Variants in ZNF704 observed in about 807,000 individuals in gnomAD.
ZNF704 encodes glucocorticoid induced gene 1.
In ZNF704, 10 loss-of-function variants were observed where a neutral mutation model predicts 44.7. The ratio of observed to expected loss-of-function variants is 0.22; its 90% confidence interval spans 0.14 to 0.38. The LOEUF (loss-of-function observed/expected upper bound fraction) is 0.38, where lower values mean the gene tolerates loss of function less well. ZNF704 is among the 10% of genes least tolerant of loss of function. ZNF704 has a pLI of 1.00. For synonymous variants in ZNF704, 211 were observed against 207.6 expected (o/e 1.02, Z -0.14); for missense variants, 390 against 545.5 (o/e 0.71, Z 2.84).
At chr8:80,723,110 A>G (rs1746795382) in intron 2 of ZNF704, among the ~76,000 whole-genome samples, 1 of 152,222 alleles carries the variant, frequency 6.6e-6, no homozygotes. Context: ...TGATACTAAT[A>G]ACAAAACTAC....
chr8:80,747,990 CA>C (rs1177175782), intron 2 of ZNF704, among the ~76,000 whole-genome samples: 3 of 152,206 alleles, frequency 2.0e-5, no homozygotes, highest in Non-Finnish European at 2.9e-5. Flanking sequence ...GCCAGGATTA[CA>C]GGTGTGAGCC....
At chr8:80,679,665 T>A (rs1199058777) in intron 4 of ZNF704, among the ~76,000 whole-genome samples, 1 of 152,200 alleles carries the variant, frequency 6.6e-6, no homozygotes, top group African/African-American at 2.4e-5. Context: ...AATGGTCTTC[T>A]TCATGTAAAG....
intron 2 of ZNF704, among the ~76,000 whole-genome samples, chr8:80,777,953 G>A (rs980658254): frequency 6.6e-5 from 10 of 150,674 alleles, no homozygotes; most frequent in African/African-American, 2.0e-4. Context: ...TCAATATATC[G>A]CTCTTAAGAA....
intron 2 of ZNF704, among the ~76,000 whole-genome samples, chr8:80,699,332 C>T (rs914814723): frequency 2.0e-5 from 3 of 151,740 alleles, no homozygotes; most frequent in South Asian, 2.1e-4. Flanking sequence ...TTAACTCTTC[C>T]GAATTAATTT....
intron 2 of ZNF704, among the ~76,000 whole-genome samples, chr8:80,759,121 A>G (rs890577259): frequency 6.6e-5 from 10 of 152,202 alleles, no homozygotes; most frequent in Non-Finnish European, 2.9e-5. Context: ...ATAAGACACT[A>G]TACTAGGAAT....
chr8:80,658,182 C>T (rs1373256350), intron 7 of ZNF704, among the ~76,000 whole-genome samples: 2 of 152,176 alleles, frequency 1.3e-5, no homozygotes, highest in Non-Finnish European at 2.9e-5. Context: ...GTTCCATCTA[C>T]ATGCTATAGT....
At chr8:80,791,156 A>G (rs925375203) in intron 2 of ZNF704, among the ~76,000 whole-genome samples, 4 of 152,322 alleles carry the variant, frequency 2.6e-5, no homozygotes, top group Admixed American at 2.6e-4. Context: ...ATCTTCAGGT[A>G]AAATGGAATT....
chr8:80,701,480 G>T (rs34310904), intron 2 of ZNF704, among the ~76,000 whole-genome samples: 9,970 of 151,992 alleles, frequency 0.066, 372 homozygotes, highest in Middle Eastern at 0.14. Context: ...GGTTAGCATG[G>T]TATTTTGCTT....
chr8:80,732,952 T>TAAAAAA (rs59640222), intron 2 of ZNF704, among the ~76,000 whole-genome samples: 2 of 78,660 alleles, frequency 2.5e-5, no homozygotes, highest in African/African-American at 8.5e-5. Context: ...AGACCTTGCC[T>TAAAAAA]AAAAAAAAAA....
intron 2 of ZNF704, among the ~76,000 whole-genome samples, chr8:80,742,786 A>G (rs1806782703): frequency 6.6e-6 from 1 of 152,012 alleles, no homozygotes; most frequent in African/African-American, 2.4e-5. Flanking sequence ...CTACACTCCA[A>G]TTCAGCAGGA....
chr8:80,783,696 G>A (rs1046169934), intron 2 of ZNF704, among the ~76,000 whole-genome samples: 6 of 151,780 alleles, frequency 4.0e-5, no homozygotes, highest in Non-Finnish European at 4.4e-5. Flanking sequence ...TCCCACTGCC[G>A]ACATCGATCA....
chr8:80,833,330 C>T (rs1563570173), intron 1 of ZNF704, among the ~76,000 whole-genome samples: 1 of 152,012 alleles, frequency 6.6e-6, no homozygotes, highest in Non-Finnish European at 1.5e-5. Context: ...AGCCTGGCGA[C>T]AGAGCAAGAC....
intron 1 of ZNF704, among the ~76,000 whole-genome samples, chr8:80,870,235 C>G (rs183834672): frequency 2.6e-5 from 4 of 152,166 alleles, no homozygotes; most frequent in Admixed American, 6.5e-5. Flanking sequence ...AAACTAATAA[C>G]CCCTCTTCCA....
chr8:80,665,962 T>A (rs1455474167), intron 5 of ZNF704, among the ~76,000 whole-genome samples: 1 of 114,210 alleles, frequency 8.8e-6, no homozygotes, highest in Non-Finnish European at 1.7e-5. Flanking sequence ...TTATTTTTTA[T>A]TTATTTATTT....
intron 4 of ZNF704, among the ~76,000 whole-genome samples, chr8:80,672,415 G>A (rs972271624): frequency 6.6e-6 from 1 of 152,168 alleles, no homozygotes; most frequent in Non-Finnish European, 1.5e-5. Context: ...TCCCATTACT[G>A]GGTGTATACC....
intron 1 of ZNF704, among the ~76,000 whole-genome samples, chr8:80,832,645 G>A (rs111976906): frequency 1.3e-5 from 2 of 152,098 alleles, no homozygotes; most frequent in African/African-American, 4.8e-5. Flanking sequence ...GCTTTCTGGG[G>A]CTTTCTGGAT....
At chr8:80,824,129 G>C (rs898200914) in intron 1 of ZNF704, among the ~76,000 whole-genome samples, 1 of 152,120 alleles carries the variant, frequency 6.6e-6, no homozygotes, top group East Asian at 1.9e-4. Context: ...AAACTTCTCC[G>C]AGCTAAAGGA....
chr8:80,864,349 C>A (rs910265364), intron 1 of ZNF704, among the ~76,000 whole-genome samples: 1 of 151,136 alleles, frequency 6.6e-6, no homozygotes, highest in Non-Finnish European at 1.5e-5. Flanking sequence ...AAAATGTATC[C>A]CAAAGGAAAG....
chr8:80,871,306 T>C (rs1337344510), intron 1 of ZNF704, among the ~76,000 whole-genome samples: 1 of 152,212 alleles, frequency 6.6e-6, no homozygotes. Flanking sequence ...CCCAGCCTCC[T>C]TGACATATCT....
Sources: allele counts gnomAD v4.1 joint callset (sites outside exome capture counted in the v4.1 genomes callset), GRCh38; gene constraint gnomAD v4.1.1; transcripts MANE v1.5; gene names NCBI Gene and HGNC (gene_info 2026-07-23, HGNC 2026-07-21).